DAB1: variants seen among roughly 807,000 people sequenced by gnomAD.
DAB1 encodes DAB adaptor protein 1.
In DAB1, 15 loss-of-function variants were observed where a neutral mutation model predicts 64.6. The ratio of observed to expected loss-of-function variants is 0.23; its 90% CI spans 0.16 to 0.36. The LOEUF (loss-of-function observed/expected upper bound fraction) is 0.36, where lower values mean the gene tolerates loss of function less well. Among genes scored for constraint, DAB1 ranks in the 10% least tolerant of loss-of-function variants. The pLI, the probability that DAB1 is intolerant of heterozygous loss-of-function variation, is 1.00. For missense variants in DAB1, 596 were observed against 706.7 expected (o/e 0.84, Z 1.78); for synonymous variants, 235 against 251.9 (o/e 0.93, Z 0.64).
At chr1:57,783,979 G>A (rs1349631863) in intron 6 of DAB1, among the ~76,000 whole-genome samples, 1 of 152,100 alleles carries the variant, frequency 6.6e-6, no homozygotes, top group African/African-American at 2.4e-5. Context: ...CCTAGCAATG[G>A]CCTCTAGGTG....
chr1:57,632,792 A>G (rs968638087), intron 7 of DAB1, among the ~76,000 whole-genome samples: 2 of 152,204 alleles, frequency 1.3e-5, no homozygotes, highest in African/African-American at 4.8e-5. Context: ...TAAAATAATA[A>G]AAGTTTCAGA....
At chr1:57,481,160 T>A (rs1017443504) in intron 7 of DAB1, among the ~76,000 whole-genome samples, 1 of 152,148 alleles carries the variant, frequency 6.6e-6, no homozygotes, top group Non-Finnish European at 1.5e-5. Flanking sequence ...ATGCCCACAC[T>A]ACATCCCTTA....
chr1:58,491,939 C>G (rs1282448237), intron 3 of DAB1, among the ~76,000 whole-genome samples: 1 of 152,186 alleles, frequency 6.6e-6, no homozygotes, highest in Non-Finnish European at 1.5e-5. Context: ...CAGAACTCTC[C>G]ACCCCAAATC....
chr1:57,181,038 G>A (rs539614571), intron 2 of DAB1, among the ~76,000 whole-genome samples: 1 of 152,180 alleles, frequency 6.6e-6, no homozygotes, highest in Admixed American at 6.5e-5. Flanking sequence ...ATGTGTGTGG[G>A]CATCTTTATC....
intron 3 of DAB1, among the ~76,000 whole-genome samples, chr1:58,388,201 G>A (rs1447645427): frequency 6.6e-6 from 1 of 152,048 alleles, no homozygotes; most frequent in East Asian, 1.9e-4. Flanking sequence ...CTATATTTTG[G>A]GGTATCATTT....
chr1:57,935,889 A>G (rs1007652104), intron 5 of DAB1, among the ~76,000 whole-genome samples: 3 of 152,226 alleles, frequency 2.0e-5, no homozygotes, highest in Non-Finnish European at 4.4e-5. Flanking sequence ...AGGAAACTTA[A>G]AGCAGATCTC....
At chr1:57,726,761 T>C (rs751238372) in intron 6 of DAB1, among the ~76,000 whole-genome samples, 10 of 152,236 alleles carry the variant, frequency 6.6e-5, no homozygotes, top group Non-Finnish European at 1.3e-4. Context: ...CTGAGAATCA[T>C]GTAGCTCAAA....
chr1:57,848,971 C>T (rs536869640), intron 1 of DAB1, among the ~76,000 whole-genome samples: 9 of 152,222 alleles, frequency 5.9e-5, no homozygotes, highest in East Asian at 3.9e-4. Flanking sequence ...TCATGTCTTA[C>T]GATATTTGTG....
In DAB1 at chr1:58,300,544, AAAAGAAAG is replaced by A. The variant is rs71043285; in HGVS notation, n.309+42800_309+42807del. ...CCTGGGCAACAAAAGTGAAACTCTG[AAAAGAAAG>A]AAAGAAAGAAAGAAAGAAAGAAAGA... On this transcript the variant is annotated intron_variant and non_coding_transcript_variant, in intron 4 of 20. Transcript: ENST00000485760. 9.9e-4 allele frequency among the ~76,000 whole-genome samples: 100 copies of A among 101,160 alleles called. 1 individual carries two copies. The highest frequency in any genetic ancestry group is 1.3e-3 in the Non-Finnish European group (66 of 51,634). The allele number at this position is 101,160 out of a possible 152,430, so 66.4% of individuals were successfully genotyped here. A position where few individuals can be genotyped will look rare whatever the true frequency, so the allele number is the denominator to read the frequency against.
At chr1:57,293,142 A>G (rs938961414) in intron 1 of DAB1, among the ~76,000 whole-genome samples, 3 of 152,110 alleles carry the variant, frequency 2.0e-5, no homozygotes, top group African/African-American at 7.2e-5. Flanking sequence ...CGACTCTAGC[A>G]GGGAGGTGAT....
At position 57,058,920 on chromosome 1, in the gene DAB1, T is replaced by C. The variant is rs531976905; in HGVS notation, c.723+3964A>G. 1.2e-4 allele frequency among the ~76,000 whole-genome samples: 18 copies of C among 152,314 alleles called. No individual in the cohort carries two copies. In the East Asian group the frequency reaches 1.9e-3, roughly 16 times the overall value. Reference sequence around the variant, plus strand: ...GCCAAGGTTTTTGAGGAACTCAAAGTCCAATGGTTCACATGAATATGTTAA... The same window carrying C: ...GCCAAGGTTTTTGAGGAACTCAAAGCCCAATGGTTCACATGAATATGTTAA... On this transcript the variant is annotated intron_variant, in intron 9 of 14. Coordinates refer to ENST00000371236, the MANE Select transcript of DAB1 (RefSeq NM_001365792.1).
chr1:57,999,844 A>G (rs1646480053), intron 5 of DAB1, among the ~76,000 whole-genome samples: 1 of 151,876 alleles, frequency 6.6e-6, no homozygotes, highest in Admixed American at 6.6e-5. Context: ...ACAGAGAAAG[A>G]CAAAAGAGGG....
intron 1 of DAB1, among the ~76,000 whole-genome samples, chr1:57,389,253 C>G (rs1682136103): frequency 6.6e-6 from 1 of 152,208 alleles, no homozygotes; most frequent in Non-Finnish European, 1.5e-5. Context: ...CTACTCCAGA[C>G]TGATTCCAAA....
At chr1:58,263,015 G>A (rs139577852) in intron 4 of DAB1, among the ~76,000 whole-genome samples, 19 of 152,282 alleles carry the variant, frequency 1.2e-4, no homozygotes, top group African/African-American at 4.3e-4. Context: ...GTTGTTTCAA[G>A]CCACCTAGAT....
At chr1:58,410,697 T>C (rs1644659545) in intron 3 of DAB1, among the ~76,000 whole-genome samples, 1 of 152,200 alleles carries the variant, frequency 6.6e-6, no homozygotes, top group South Asian at 2.1e-4. Flanking sequence ...AATTACTGTA[T>C]GGCCTCATGT....
upstream of DAB1, among the ~76,000 whole-genome samples, chr1:57,885,207 T>C (rs919554338): frequency 1.3e-5 from 2 of 152,248 alleles, no homozygotes; most frequent in Non-Finnish European, 2.9e-5. Context: ...GCATAGCTTT[T>C]AGTTTTTATA....
chr1:57,131,306 T>G (rs1657634158), intron 4 of DAB1, among the ~76,000 whole-genome samples: 1 of 152,164 alleles, frequency 6.6e-6, no homozygotes, highest in Non-Finnish European at 1.5e-5. Context: ...AGTTGATCCA[T>G]CTATAAAAGG....
chr1:57,193,379 A>ATTTTTTTTTTT (rs1328631874), intron 2 of DAB1, among the ~76,000 whole-genome samples: 1 of 71,606 alleles, frequency 1.4e-5, no homozygotes, highest in African/African-American at 5.5e-5. Context: ...TCCGTAGCAT[A>ATTTTTTTTTTT]TGTTTTTTTT....
chr1:57,850,205 A>T (rs1653456220), intron 1 of DAB1, among the ~76,000 whole-genome samples: 1 of 152,206 alleles, frequency 6.6e-6, no homozygotes, highest in African/African-American at 2.4e-5. Context: ...GGCTTGGAAC[A>T]AAGCCTTCAG....
Sources: gnomAD v4.1 joint callset for allele counts (sites outside exome capture counted in the v4.1 genomes callset) on GRCh38, gnomAD v4.1.1 for gene constraint, MANE v1.5 for transcripts, NCBI Gene and HGNC (gene_info 2026-07-23, HGNC 2026-07-21) for gene names.